The following IARS1 variants were observed in gnomAD, a reference collection of about 807,000 sequenced individuals.
The protein encoded by IARS1 is isoleucyl-tRNA synthetase 1.
A neutral mutation model predicts 168.2 loss-of-function variants in IARS1; 124 were observed. The observed-to-expected ratio is 0.74, with a 90% CI of 0.64 to 0.86. The LOEUF is 0.86. IARS1 is among the 40% of genes least tolerant of loss of function. The probability of loss-of-function intolerance (pLI) is 0.00; values close to 1 mark genes in which losing one functional copy is unlikely to be tolerated. For synonymous variants in IARS1, 532 were observed against 529.4 expected, an observed-to-expected ratio of 1.00 and a Z score of -0.07; for missense variants, 1,452 against 1,515.8, an observed-to-expected ratio of 0.96 and a Z score of 0.70.
intron 4 of IARS1, chr9:92,287,538 T>C (rs1835644753): frequency 2.2e-5 from 6 of 276,722 alleles, no homozygotes. Flanking sequence ...GGCCTATATA[T>C]CATGTTATAC....
At chr9:92,291,359 G>A (rs1836302115) in intron 1 of IARS1, among the ~76,000 whole-genome samples, 1 of 152,144 alleles carries the variant, frequency 6.6e-6, no homozygotes, top group Non-Finnish European at 1.5e-5. Context: ...AGTTTTGAAA[G>A]CATCAAAAGC....
chr9:92,256,096 T>C (rs1370122299), intron 20 of IARS1, among the ~76,000 whole-genome samples: 1 of 151,316 alleles, frequency 6.6e-6, no homozygotes, highest in Non-Finnish European at 1.5e-5. Flanking sequence ...AGAGTTGGGC[T>C]CTGAACCCAT....
intron 30 of IARS1, among the ~76,000 whole-genome samples, chr9:92,230,254 G>A (rs1017686469): frequency 6.6e-6 from 1 of 151,978 alleles, no homozygotes; most frequent in Non-Finnish European, 1.5e-5. Context: ...GGGATTACAA[G>A]CACCCACAAC....
chr9:92,211,789 G>A (rs1409577139), intron 33 of IARS1, among the ~76,000 whole-genome samples: 4 of 152,050 alleles, frequency 2.6e-5, no homozygotes, highest in Non-Finnish European at 5.9e-5. Context: ...TATTTTCTAC[G>A]TCTGGAGAAG....
chr9:92,228,867 G>A (rs1297330562), intron 31 of IARS1, 134 bp downstream of exon 31: 3 of 940,718 alleles, frequency 3.2e-6, no homozygotes, highest in Middle Eastern at 2.2e-4. Context: ...GGCAGGCACT[G>A]CTGAAGAGTT....
In IARS1 at chr9:92,271,625, T is replaced by C. The variant is rs141754545; in HGVS notation, c.1021A>G (p.Ile341Val). Reference protein sequence around the residue: ...EDYRVCMDFNIIRKDSLPVCP... With the variant: ...EDYRVCMDFNVIRKDSLPVCP... ...ACAGGGAGTGAGTCTTTCCGAATAA[T>C]GTTAAAGTCCATACAGACCCGATAG... is the stretch of plus-strand genomic sequence containing the variant. The change falls in exon 11 of 34, where the codon ATT (isoleucine) becomes GTT (valine). Residue 341 changes from isoleucine (I) to valine (V), a missense_variant. Physicochemically the swap from Ile to Val is conservative, Grantham distance 29 (BLOSUM62 3). Transcript: ENST00000443024. 341 of 1,613,872 alleles carry C rather than the reference T, an allele frequency of 2.1e-4. No individual in the cohort carries two copies. Among genetic ancestry groups the C allele is most frequent in the Non-Finnish European group, 2.7e-4 (314 of 1,179,954 alleles).
rs758672878 is a variant in IARS1, at chr9:92,250,263, T to C, written c.2456A>G (p.Glu819Gly). 1.2e-6 allele frequency: 2 copies of C among 1,609,706 alleles called. No homozygotes were observed. The highest frequency in any genetic ancestry group is 1.7e-6 in the Non-Finnish European group (2 of 1,176,134). Residue 819 changes from glutamate to glycine, a missense_variant, in exon 24 of 34, where the codon GAG (glutamate) becomes GGG (glycine). By Grantham distance (98) the Glu-to-Gly change is moderately conservative. Coordinates refer to ENST00000443024, the MANE Select transcript of IARS1 (RefSeq NM_002161.6). ...VREELIDKKT[E>G]SAVSQMQSVI... Reference sequence around the variant, plus strand: ...AGACTGCATCTGAGATACTGCACTCTCTGTTTTCTTGTCAATCAATTCTTC... The same window carrying C: ...AGACTGCATCTGAGATACTGCACTCCCTGTTTTCTTGTCAATCAATTCTTC...
chr9:92,236,062 A>C (rs552218275), intron 30 of IARS1, among the ~76,000 whole-genome samples: 2 of 151,742 alleles, frequency 1.3e-5, no homozygotes, highest in African/African-American at 2.4e-5. Context: ...AGCTCACTGC[A>C]ACCTCTGCCT....
chr9:92,248,803 A>C (rs924650319), intron 25 of IARS1, among the ~76,000 whole-genome samples: 1 of 152,188 alleles, frequency 6.6e-6, no homozygotes, highest in Non-Finnish European at 1.5e-5. Flanking sequence ...ATTTTCTATA[A>C]TAATGATTTT....
At chr9:92,274,643 AGAAAAG>A in intron 9 of IARS1, 122 bp from the exon 10 acceptor site, 1 of 622,498 alleles carries the variant, frequency 1.6e-6, no homozygotes, top group Non-Finnish European at 2.9e-6. Context: ...TTTCAGAAAT[AGAAAAG>A]AAAGAATAAT....
chr9:92,219,841 A>G lies in IARS1; in HGVS notation c.3706+2679T>C, dbSNP rs1402727207. Among the ~76,000 whole-genome samples the G allele has an allele frequency of 9.4e-5, 14 of 149,666 alleles. No homozygotes were observed. The East Asian group carries it at 2.7e-3, about 29-fold the overall frequency. On this transcript the variant is annotated intron_variant, in intron 33 of 33. Transcript: ENST00000443024. ...GGTGGGACTGTAAACTAGTTCAACC[A>G]TTGTGGAAGTCAGTGTGGCGATTCC...
chr9:92,247,149 G>A (rs1042569357), intron 26 of IARS1, among the ~76,000 whole-genome samples: 7 of 152,130 alleles, frequency 4.6e-5, no homozygotes, highest in South Asian at 2.1e-4. Flanking sequence ...AGCCAAGATC[G>A]CGCCACTGTG....
rs750750929 is a variant in IARS1 at position 92,270,956 on chromosome 9, G to C, written c.1205+29C>G. 1.1e-5 allele frequency: 16 copies of C among 1,491,104 alleles called. No homozygotes were observed. The African/African-American group carries it at 2.0e-4, about 18-fold the overall frequency. 92.4% of individuals were successfully genotyped at this position (1,491,104 alleles called of 1,614,324 possible). ...GTGTAAGCACAGACTGGAAGCTCTA[G>C]CTACAACACAGTCTTTGTTTCTTCT... On this transcript the variant is annotated intron_variant, in intron 12 of 33. Coordinates refer to ENST00000443024, the MANE Select transcript of IARS1 (RefSeq NM_002161.6).
chr9:92,274,570 C>T (rs374749837), intron 9 of IARS1, 49 bp from the exon 10 acceptor site: 52 of 1,310,462 alleles, frequency 4.0e-5, no homozygotes, highest in Middle Eastern at 3.7e-4. Context: ...TACTGTGTTA[C>T]AACGTTAACT....
In IARS1 at chr9:92,245,019, C is replaced by T; in HGVS notation, c.2844G>A (p.Met948Ile). 2 of 1,614,182 alleles carry T rather than the reference C, an allele frequency of 1.2e-6. No homozygotes were observed. Among genetic ancestry groups the T allele is most frequent in the African/African-American group, 2.7e-5 (2 of 75,030 alleles). The change falls in exon 27 of 34, where the codon ATG becomes ATA. Residue 948 changes from methionine (M) to isoleucine (I), a missense_variant. By Grantham distance (10) the Met-to-Ile change is conservative. Coordinates refer to ENST00000443024, the MANE Select transcript of IARS1 (RefSeq NM_002161.6). ...CACCTGTGGCCTGATCAAAGGTGTA[C>T]ATGAGGCGGATGTCTTCATCGTGCA... is the stretch of plus-strand genomic sequence containing the variant. ...HELHDEDIRLMYTFDQATGGT... is the reference protein window; with the variant it reads ...HELHDEDIRLIYTFDQATGGT...
chr9:92,262,976 G>A lies in IARS1; in HGVS notation c.1780C>T (p.Leu594=). The change falls in exon 17 of 34, where the codon CTG becomes TTG. Residue 594 remains leucine, a synonymous_variant. Transcript: ENST00000443024. ...ACAACAAAGTTGACCTACCTTGCCA[G>A]GACAAGCCCATTCACAATTACGTTC... is the stretch of plus-strand genomic sequence containing the variant. ...FKNVIVNGLV[L]ASDGQKMSKR... 1.2e-6 allele frequency: 2 copies of A among 1,613,244 alleles called. No individual in the cohort carries two copies. The highest frequency in any genetic ancestry group is 1.7e-6 in the Non-Finnish European group (2 of 1,179,272).
chr9:92,236,780 T>TGG (rs774542570), intron 30 of IARS1, among the ~76,000 whole-genome samples: 36 of 152,100 alleles, frequency 2.4e-4, no homozygotes, highest in Non-Finnish European at 4.3e-4. Flanking sequence ...ACCCAGGAGG[T>TGG]GGAGGTTGCA....
intron 17 of IARS1, among the ~76,000 whole-genome samples, chr9:92,261,687 G>T (rs1831550685): frequency 6.6e-6 from 1 of 152,100 alleles, no homozygotes; most frequent in African/African-American, 2.4e-5. Context: ...ACTGGGCAAA[G>T]AATTTAAGGG....
chr9:92,272,561 T>C (rs1198410985), intron 10 of IARS1, among the ~76,000 whole-genome samples: 1 of 152,156 alleles, frequency 6.6e-6, no homozygotes. Flanking sequence ...CAGAAAATGT[T>C]TACCAAGGCC....
Sources: allele counts gnomAD v4.1 joint callset (sites outside exome capture counted in the v4.1 genomes callset), GRCh38; gene constraint gnomAD v4.1.1; transcripts MANE v1.5; gene names NCBI Gene and HGNC (gene_info 2026-07-23, HGNC 2026-07-21).